Variants in HTR7 observed in about 807,000 individuals in gnomAD.
The protein encoded by HTR7 is 5-HT-7.
A neutral mutation model predicts 34.0 loss-of-function variants in HTR7; 16 were observed. The observed-to-expected ratio is 0.47, with a 90% CI of 0.32 to 0.71. The LOEUF (loss-of-function observed/expected upper bound fraction) is 0.71. Among genes scored for constraint, HTR7 ranks in the 30% least tolerant of loss-of-function variants. The pLI is 0.04. For missense variants in HTR7, 504 were observed against 625.5 expected, an observed-to-expected ratio of 0.81 and a Z score of 2.07; for synonymous variants, 265 against 260.2, an observed-to-expected ratio of 1.02 and a Z score of -0.18.
At chr10:90,745,116 C>A (rs1844613503) in intron 2 of HTR7, among the ~76,000 whole-genome samples, 1 of 152,166 alleles carries the variant, frequency 6.6e-6, no homozygotes, top group Non-Finnish European at 1.5e-5. Context: ...TTCCTTATTA[C>A]AGAAAGGTTG....
At chr10:90,814,541 T>C (rs781267354) in intron 1 of HTR7, among the ~76,000 whole-genome samples, 2 of 152,152 alleles carry the variant, frequency 1.3e-5, no homozygotes, top group Non-Finnish European at 2.9e-5. Flanking sequence ...AAAGGACTCA[T>C]TCCAGGAAGG....
chr10:90,742,532 A>G lies in HTR7; in HGVS notation c.1394-4T>C. 1 of 1,575,230 alleles carries G rather than the reference A, an allele frequency of 6.3e-7. No individual in the cohort carries two copies. The highest frequency in any genetic ancestry group is 8.7e-7 in the Non-Finnish European group (1 of 1,154,582). ...TCTACAGTAGTCAGCATTTTGTCTA[A>G]AAAAAAGAGAGAGAAAAATAGAAAA... is the stretch of plus-strand genomic sequence containing the variant. On this transcript the variant is annotated splice_polypyrimidine_tract_variant and splice_region_variant and intron_variant, in intron 3 of 3. Transcript: ENST00000336152.
At chr10:90,840,175 T>TCACACA (rs1406405693) in intron 1 of HTR7, among the ~76,000 whole-genome samples, 24 of 122,600 alleles carry the variant, frequency 2.0e-4, no homozygotes, top group African/African-American at 6.0e-4. Context: ...TCTCTCTCTC[T>TCACACA]CTCACACACA....
chr10:90,853,287 C>CTT (rs35477812), intron 1 of HTR7, among the ~76,000 whole-genome samples: 8 of 110,046 alleles, frequency 7.3e-5, no homozygotes, highest in Non-Finnish European at 9.3e-5. Flanking sequence ...TTTTTTTTTT[C>CTT]TTTTTTTTTT....
intron 1 of HTR7, among the ~76,000 whole-genome samples, chr10:90,831,169 T>G (rs1846164800): frequency 6.6e-6 from 1 of 152,232 alleles, no homozygotes; most frequent in African/African-American, 2.4e-5. Context: ...GGAGGTAGTG[T>G]GTCCGGAATT....
intron 1 of HTR7, among the ~76,000 whole-genome samples, chr10:90,845,742 C>T (rs1411737787): frequency 2.0e-5 from 3 of 152,234 alleles, no homozygotes; most frequent in Non-Finnish European, 4.4e-5. Context: ...CGCCCTGCAT[C>T]TGGAGACTTC....
At chr10:90,757,572 A>G (rs1844854255) in intron 1 of HTR7, among the ~76,000 whole-genome samples, 1 of 152,188 alleles carries the variant, frequency 6.6e-6, no homozygotes, top group South Asian at 2.1e-4. Flanking sequence ...GCAACCCTAC[A>G]CTTCCGGGCA....
At chr10:90,829,915 G>A (rs1369382223) in intron 1 of HTR7, among the ~76,000 whole-genome samples, 1 of 152,048 alleles carries the variant, frequency 6.6e-6, no homozygotes, top group African/African-American at 2.4e-5. Context: ...CCAAAGAAGT[G>A]AAAGAAATTG....
At chr10:90,835,209 G>A (rs1048981525) in intron 1 of HTR7, among the ~76,000 whole-genome samples, 7 of 152,142 alleles carry the variant, frequency 4.6e-5, no homozygotes, top group Admixed American at 6.5e-5. Flanking sequence ...CTAGGGCTTG[G>A]AAAGTAACCC....
At chr10:90,761,468 A>T (rs1466009944) in intron 1 of HTR7, among the ~76,000 whole-genome samples, 1 of 152,186 alleles carries the variant, frequency 6.6e-6, no homozygotes. Flanking sequence ...CAAGTGTTTC[A>T]GTTAGTGAAG....
intron 1 of HTR7, among the ~76,000 whole-genome samples, chr10:90,786,323 T>A (rs1173067205): frequency 2.6e-5 from 4 of 152,232 alleles, no homozygotes; most frequent in African/African-American, 4.8e-5. Flanking sequence ...GGTTCTCCCC[T>A]GCTGCTAGGT....
rs1287895436 is a variant in HTR7, at chr10:90,758,214, G to A, written c.540-8620C>T. Among the ~76,000 whole-genome samples, 4 of 151,738 alleles carry A rather than the reference G, an allele frequency of 2.6e-5. No individual in the cohort carries two copies. The East Asian group carries it at 7.8e-4, about 29-fold the overall frequency. ...ACAAAAATTAGCTGGGCGTGGTGGCGCTGGCCTGTAGTCCCAGCTACTCAG... is the reference window on the plus strand; with the variant it reads ...ACAAAAATTAGCTGGGCGTGGTGGCACTGGCCTGTAGTCCCAGCTACTCAG... On this transcript the variant is annotated intron_variant, in intron 1 of 3. Transcript: ENST00000336152.
rs188708638 is a variant in HTR7, at chr10:90,842,467, T to C, written c.539+14666A>G. ...GCCAAACCTGATACCACTCCTTTCTTGCTGTGTACTCCTAACCTCTATCAG... is the reference window on the plus strand; with the variant it reads ...GCCAAACCTGATACCACTCCTTTCTCGCTGTGTACTCCTAACCTCTATCAG... On this transcript the variant is annotated intron_variant, in intron 1 of 3. Transcript: ENST00000336152. 1.7e-3 allele frequency among the ~76,000 whole-genome samples: 264 copies of C among 152,332 alleles called. 2 individuals are homozygous for C. The highest frequency in any genetic ancestry group is 6.2e-3 in the African/African-American group (258 of 41,578).
chr10:90,816,991 A>C (rs974433786), intron 1 of HTR7, among the ~76,000 whole-genome samples: 2 of 152,204 alleles, frequency 1.3e-5, no homozygotes, highest in South Asian at 2.1e-4. Flanking sequence ...TTGGCTGTTA[A>C]GTTTTTTGGC....
intron 1 of HTR7, among the ~76,000 whole-genome samples, chr10:90,775,875 A>G (rs1428830377): frequency 6.6e-6 from 1 of 152,260 alleles, no homozygotes; most frequent in Non-Finnish European, 1.5e-5. Context: ...AACACAACAT[A>G]AACCACAAAT....
intron 1 of HTR7, among the ~76,000 whole-genome samples, chr10:90,796,068 G>C (rs1319992007): frequency 6.6e-6 from 1 of 152,102 alleles, no homozygotes; most frequent in Non-Finnish European, 1.5e-5. Flanking sequence ...CGTTAATGCT[G>C]GTCAGCTTTT....
chr10:90,816,994 T>C (rs1326853532), intron 1 of HTR7, among the ~76,000 whole-genome samples: 1 of 152,176 alleles, frequency 6.6e-6, no homozygotes, highest in African/African-American at 2.4e-5. Flanking sequence ...GCTGTTAAGT[T>C]TTTTGGCTCT....
At chr10:90,843,211 G>A (rs2153779) in intron 1 of HTR7, among the ~76,000 whole-genome samples, 32,168 of 144,938 alleles carry the variant, frequency 0.22, 4,431 homozygotes, top group African/African-American at 0.4. Flanking sequence ...CCTTCCTTCC[G>A]CAGTCAATCC....
chr10:90,830,249 T>C (rs1175038591), intron 1 of HTR7, among the ~76,000 whole-genome samples: 2 of 152,266 alleles, frequency 1.3e-5, no homozygotes, highest in African/African-American at 2.4e-5. Flanking sequence ...TTTTGGTTCA[T>C]GGGTGTTATT....
Sources: allele counts gnomAD v4.1 joint callset (sites outside exome capture counted in the v4.1 genomes callset), GRCh38; gene constraint gnomAD v4.1.1; transcripts MANE v1.5; gene names NCBI Gene and HGNC (gene_info 2026-07-23, HGNC 2026-07-21).